The following KIF23 variants were observed in gnomAD, a reference collection of about 807,000 sequenced individuals.
KIF23 encodes kinesin-like protein KIF23.
KIF23 carries 30 observed loss-of-function variants against 137.5 expected under a neutral mutation model. The observed-to-expected ratio is 0.22, with a 90% CI of 0.16 to 0.30. KIF23 has a LOEUF of 0.30. Ranked by LOEUF, KIF23 falls within the 10% of genes least tolerant of loss-of-function variation. The probability of loss-of-function intolerance (pLI) is 1.00; values close to 1 mark genes in which losing one functional copy is unlikely to be tolerated. For synonymous variants in KIF23, 367 were observed against 391.1 expected, an observed-to-expected ratio of 0.94 and a Z score of 0.73; for missense variants, 920 against 1,194.3, an observed-to-expected ratio of 0.77 and a Z score of 3.38.
At position 69,423,167 on chromosome 15, in the gene KIF23, T is replaced by C. The variant is rs776508326; in HGVS notation, c.572T>C (p.Val191Ala). Reference sequence around the variant, plus strand: ...AACTTTTCTTTTTTTAGACGACAAGTAGATCCAGAGTTTGCAGATATGATA... The same window carrying C: ...AACTTTTCTTTTTTTAGACGACAAGCAGATCCAGAGTTTGCAGATATGATA... Reference protein sequence around the residue: ...NPKTSSSKRQVDPEFADMITV... With the variant: ...NPKTSSSKRQADPEFADMITV... The change falls in exon 7 of 24, where the codon GTA (valine) becomes GCA (alanine). Residue 191 changes from valine to alanine, a missense_variant. Physicochemically the swap from Val to Ala is moderately conservative, Grantham distance 64 (BLOSUM62 0). Around this residue, in one of 4 missense-constraint regions of KIF23, gnomAD observed 714 missense variants for 866.2 expected, o/e 0.82. Transcript: ENST00000679126. 1.9e-6 allele frequency: 3 copies of C among 1,580,620 alleles called. No homozygotes were observed. In the East Asian group the frequency reaches 6.8e-5, roughly 36 times the overall value.
At position 69,444,242 on chromosome 15, in the gene KIF23, C is replaced by T. The variant is rs1260249433; in HGVS notation, c.2422-548C>T. The T allele has an allele frequency of 2.6e-5, 4 of 152,376 alleles. No individual in the cohort carries two copies. The highest frequency in any genetic ancestry group is 7.2e-5 in the African/African-American group (3 of 41,432). The allele number at this position is 152,376 out of a possible 1,614,324, so 9.4% of individuals were successfully genotyped here. ...TAGCCATTACTGTATTTGAACTTTT[C>T]ATGAAGTTCTATTATGAGATTTTAA... On this transcript the variant is annotated intron_variant, in intron 19 of 23. Transcript: ENST00000679126. The surrounding 1 kb of genome is among the most constrained non-coding windows in gnomAD (Gnocchi z 4.2).
At chr15:69,439,706 G>A (rs531552169) in intron 16 of KIF23, among the ~76,000 whole-genome samples, 198 bp from the exon 17 acceptor site, 1 of 152,242 alleles carries the variant, frequency 6.6e-6, no homozygotes, top group Non-Finnish European at 1.5e-5. Flanking sequence ...AATGTCTTTG[G>A]GTGAGGAGCT....
chr15:69,425,752 T>A (rs2057173262), intron 8 of KIF23: 1 of 173,070 alleles, frequency 5.8e-6, no homozygotes, highest in Non-Finnish European at 1.2e-5. Context: ...GTGATGTTGC[T>A]GTAATACTAC....
intron 19 of KIF23, among the ~76,000 whole-genome samples, chr15:69,441,344 C>T (rs1308760059): frequency 6.6e-6 from 1 of 152,206 alleles, no homozygotes; most frequent in Non-Finnish European, 1.5e-5. Flanking sequence ...AGCTTTTCAG[C>T]TGCATACGCT....
intron 6 of KIF23, chr15:69,422,840 G>A (rs904452673): frequency 7.6e-6 from 2 of 263,168 alleles, no homozygotes; most frequent in Non-Finnish European, 7.1e-6. Flanking sequence ...TCACTTTGCT[G>A]CCCAGGGTGG....
At chr15:69,436,023 C>A in intron 13 of KIF23, 115 bp from the exon 14 acceptor site, 1 of 1,393,164 alleles carries the variant, frequency 7.2e-7, no homozygotes, top group Non-Finnish European at 9.7e-7. Flanking sequence ...TGCACTCCAG[C>A]CTGGTGACAG....
chr15:69,436,608 C>A lies in KIF23; in HGVS notation c.1483C>A (p.Pro495Thr). ...GGTTTTGCAGAGTTTTCCACCTTTG[C>A]CATCATGCGAAATTTTGGATATCAA... ...DVVLQSFPPL[P>T]SCEILDINDE... is the part of the protein sequence containing the mutation. Residue 495 changes from proline to threonine, a missense_variant, in exon 15 of 24, where the codon CCA becomes ACA. This residue lies in a region of KIF23 where 714 missense variants were observed against 866.2 expected (regional missense o/e 0.82). Transcript: ENST00000679126. 1.2e-6 allele frequency: 2 copies of A among 1,612,570 alleles called. No homozygotes were observed. The highest frequency in any genetic ancestry group is 1.7e-6 in the Non-Finnish European group (2 of 1,179,002).
At chr15:69,441,324 G>A (rs968122295) in intron 19 of KIF23, among the ~76,000 whole-genome samples, 10 of 152,188 alleles carry the variant, frequency 6.6e-5, no homozygotes, top group African/African-American at 2.4e-4. Context: ...GTGCATCCCA[G>A]AGTAGTCTGA....
Position 69,423,324 on chromosome 15 carries a change from A to T in KIF23, c.729A>T (p.Lys243Asn). The change falls in exon 7 of 24, where the codon AAA (lysine) becomes AAT (asparagine). Residue 243 changes from lysine (K) to asparagine (N), a missense_variant. Around this residue, in one of 4 missense-constraint regions of KIF23, gnomAD observed 714 missense variants for 866.2 expected, o/e 0.82. Coordinates refer to ENST00000679126, the MANE Select transcript of KIF23 (RefSeq NM_001367805.3). ...AAGAGGTGCCGTTTGATCCCATAAA[A>T]CCCAAGTAAGTAATAAAGAGAGCCC... The part of the protein sequence containing the change: ...LLEEVPFDPI[K>N]PKWNSCSTPM... 1 of 1,556,892 alleles carries T rather than the reference A, an allele frequency of 6.4e-7. No homozygotes were observed. Among genetic ancestry groups the T allele is most frequent in the Non-Finnish European group, 8.7e-7 (1 of 1,155,852 alleles).
At chr15:69,439,475 T>A (rs1461122754) in intron 16 of KIF23, among the ~76,000 whole-genome samples, 1 of 152,140 alleles carries the variant, frequency 6.6e-6, no homozygotes, top group Non-Finnish European at 1.5e-5. Flanking sequence ...TACAATGGGG[T>A]AGAAGGAAAT....
At chr15:69,414,801 G>A (rs1041909778) in intron 1 of KIF23, 1 of 321,288 alleles carries the variant, frequency 3.1e-6, no homozygotes, top group Non-Finnish European at 5.6e-6. Flanking sequence ...GGGGTCCCGG[G>A]ACAGCCTTTC....
intron 22 of KIF23, 126 bp from the exon 23 acceptor site, chr15:69,446,745 G>A (rs552386267): frequency 8.6e-5 from 75 of 869,150 alleles, no homozygotes; most frequent in African/African-American, 7.2e-4. Flanking sequence ...GTGTTTTAAC[G>A]TAAGAGTCTT....
intron 11 of KIF23, among the ~76,000 whole-genome samples, chr15:69,431,552 T>G (rs1341448453): frequency 6.6e-6 from 1 of 151,478 alleles, no homozygotes; most frequent in East Asian, 1.9e-4. Context: ...AAGCAGAGCT[T>G]GCAGTGAGCC....
Position 69,416,012 on chromosome 15 carries a change from G to C in KIF23, c.30G>C (p.Arg10=). MKSARAKTP[R]KPTVKKGSQT... is the part of the protein sequence containing the mutation. ...TGACCAGGAGAGCTAAGACACCCCG[G>C]AAACCTACCGTGAAAAAAGGGTCCC... Residue 10 remains arginine (R), a synonymous_variant, in exon 2 of 24, where the codon CGG becomes CGC. Coordinates refer to ENST00000679126, the MANE Select transcript of KIF23 (RefSeq NM_001367805.3). The C allele has an allele frequency of 6.3e-7, 1 of 1,578,968 alleles. No individual in the cohort carries two copies. The highest frequency in any genetic ancestry group is 2.0e-5 in the Admixed American group (1 of 49,812).
chr15:69,446,674 T>C, intron 22 of KIF23, 197 bp from the exon 23 acceptor site: 1 of 649,068 alleles, frequency 1.5e-6, no homozygotes. Flanking sequence ...CTGGATGACC[T>C]AAAGACCTTT....
At chr15:69,445,585 T>A (rs1001239705) in intron 20 of KIF23, among the ~76,000 whole-genome samples, 7 of 151,902 alleles carry the variant, frequency 4.6e-5, no homozygotes, top group African/African-American at 1.5e-4. Context: ...CAATTTCAAT[T>A]TAGAGTTTTT....
chr15:69,431,427 C>T (rs942758968), intron 11 of KIF23, among the ~76,000 whole-genome samples: 2 of 152,248 alleles, frequency 1.3e-5, no homozygotes, highest in African/African-American at 4.8e-5. Flanking sequence ...TCCTGGCTAA[C>T]AGGGTGAAAC....
At chr15:69,417,031 C>T (rs1232534713) in intron 2 of KIF23, among the ~76,000 whole-genome samples, 1 of 151,804 alleles carries the variant, frequency 6.6e-6, no homozygotes, top group African/African-American at 2.4e-5. Context: ...CATCCATTTC[C>T]AAGAAATTCT....
At position 69,447,843 on chromosome 15, in the gene KIF23, T is replaced by TG. The variant is rs2057773156; in HGVS notation, c.*37dup. The TG allele has an allele frequency of 5.0e-6, 8 of 1,595,812 alleles. No homozygotes were observed. Among genetic ancestry groups the TG allele is most frequent in the Non-Finnish European group, 6.0e-6 (7 of 1,166,244 alleles). On this transcript the variant is annotated 3_prime_UTR_variant, in exon 24 of 24. Coordinates refer to ENST00000679126, the MANE Select transcript of KIF23 (RefSeq NM_001367805.3). The stretch of plus-strand genomic sequence containing the variant: ...CCAGTACTGAAAGAACATTTTCATT[T>TG]GTGTGGATGATTTCTCGAAAGCCAT...
Sources: gnomAD v4.1 joint callset for allele counts (sites outside exome capture counted in the v4.1 genomes callset) on GRCh38, gnomAD v4.1.1 for gene constraint, gnomAD v4.1.1 regional missense constraint, Gnocchi (gnomAD v3.1) non-coding constraint, MANE v1.5 for transcripts, NCBI Gene and HGNC (gene_info 2026-07-23, HGNC 2026-07-21) for gene names.